SYT10: variants seen among roughly 807,000 people sequenced by gnomAD.
The protein encoded by SYT10 is synaptotagmin 10.
In SYT10, 31 loss-of-function variants were observed where a neutral mutation model predicts 51.1. The observed-to-expected ratio is 0.61, with a 90% CI of 0.46 to 0.82. The LOEUF is 0.82. Among genes scored for constraint, SYT10 ranks in the 40% least tolerant of loss-of-function variants. The pLI, the probability that SYT10 is intolerant of heterozygous loss-of-function variation, is 0.00. For synonymous variants in SYT10, 233 were observed against 225.9 expected (o/e 1.03, Z -0.28); for missense variants, 603 against 634.0 (o/e 0.95, Z 0.53).
intron 3 of SYT10, among the ~76,000 whole-genome samples, chr12:33,396,077 C>G (rs1156616743): frequency 1.3e-5 from 2 of 151,998 alleles, no homozygotes; most frequent in Non-Finnish European, 2.9e-5. Flanking sequence ...GACTCTTTAC[C>G]AATTCTAAAA....
chr12:33,386,534 T>C (rs763299964), intron 3 of SYT10, among the ~76,000 whole-genome samples: 1 of 152,058 alleles, frequency 6.6e-6, no homozygotes, highest in Admixed American at 6.6e-5. Context: ...TAAATCTTTA[T>C]ATGGCTGACT....
rs1866667520 is a variant in SYT10 at position 33,439,555 on chromosome 12, C to T, written c.-33G>A. ...CTTTTCTTTCGTTTTCTCTTTTTTT[C>T]CCAGTTAGCCGTCTTTTCCTCTTCC... On this transcript the variant is annotated 5_prime_UTR_variant, in exon 1 of 7. Transcript: ENST00000228567. The T allele has an allele frequency of 1.2e-6, 2 of 1,606,738 alleles. No homozygotes were observed. The highest frequency in any genetic ancestry group is 8.5e-7 in the Non-Finnish European group (1 of 1,175,650).
At chr12:33,432,711 A>G (rs2138439602) in intron 1 of SYT10, 1 of 152,222 alleles carries the variant, frequency 6.6e-6, no homozygotes, top group Admixed American at 6.5e-5. Flanking sequence ...TTAAGACAAT[A>G]TTGTGGTATG....
rs1866484932 is a variant in SYT10, at chr12:33,419,733, T to C, written c.509+6405A>G. 3.3e-5 allele frequency among the ~76,000 whole-genome samples: 5 copies of C among 152,292 alleles called. No individual in the cohort carries two copies. The South Asian group carries it at 1.0e-3, about 32-fold the overall frequency. On this transcript the variant is annotated intron_variant, in intron 2 of 6. Coordinates refer to ENST00000228567, the MANE Select transcript of SYT10 (RefSeq NM_198992.4). ...AGATGATAAGCAATTGCTTTTGATC[T>C]AGCATATATTTAAATGAATGTATAT...
intron 2 of SYT10, among the ~76,000 whole-genome samples, chr12:33,416,556 G>A (rs1050754727): frequency 8.5e-5 from 13 of 152,074 alleles, no homozygotes; most frequent in African/African-American, 2.7e-4. Context: ...GTTTCTGCTC[G>A]AATTCCGACA....
Position 33,439,586 on chromosome 12 carries a change from C to G in SYT10, c.-64G>C, listed in dbSNP as rs1866667859. ...TAGCCGTCTTTTCCTCTTCCCGTAC[C>G]TCTAACCCCTCTGGCGCCCTAAGCC... On this transcript the variant is annotated 5_prime_UTR_variant, in exon 1 of 7. Coordinates refer to ENST00000228567, the MANE Select transcript of SYT10 (RefSeq NM_198992.4). The G allele has an allele frequency of 4.5e-6, 7 of 1,562,968 alleles. No individual in the cohort carries two copies. In the South Asian group the frequency reaches 7.1e-5, roughly 16 times the overall value.
chr12:33,410,144 T>C (rs1213944443), intron 2 of SYT10, among the ~76,000 whole-genome samples: 1 of 152,232 alleles, frequency 6.6e-6, no homozygotes, highest in Non-Finnish European at 1.5e-5. Context: ...AAGTGTTCTC[T>C]AACCTTAAGT....
In SYT10 at chr12:33,376,758, C is replaced by T. The variant is rs562181532; in HGVS notation, c.*72G>A. 4 of 1,559,762 alleles carry T rather than the reference C, an allele frequency of 2.6e-6. No homozygotes were observed. In the East Asian group the frequency reaches 6.7e-5, roughly 26 times the overall value. The stretch of plus-strand genomic sequence containing the variant: ...TATATTTCAAATGAGGAAACCAAAC[C>T]TTCCACTTTTTTTCTGATTCAATGA... On this transcript the variant is annotated 3_prime_UTR_variant, in exon 7 of 7. Transcript: ENST00000228567.
intron 2 of SYT10, among the ~76,000 whole-genome samples, chr12:33,415,536 T>C (rs919450280): frequency 6.6e-6 from 1 of 152,212 alleles, no homozygotes; most frequent in Non-Finnish European, 1.5e-5. Context: ...ACCTTAGATA[T>C]TGCTTAAGAA....
intron 1 of SYT10, among the ~76,000 whole-genome samples, chr12:33,436,140 T>C (rs1469717547): frequency 6.6e-6 from 1 of 152,120 alleles, no homozygotes; most frequent in Non-Finnish European, 1.5e-5. Context: ...TTCCTTGAAA[T>C]TGATGAGCAT....
intron 6 of SYT10, among the ~76,000 whole-genome samples, chr12:33,378,814 C>CTGTGTG (rs56373564): frequency 1.0e-3 from 146 of 145,284 alleles, no homozygotes; most frequent in East Asian, 8.0e-3. Context: ...GACTGGGTAT[C>CTGTGTG]TGTGTGTGTG....
chr12:33,428,127 G>A (rs1866567548), intron 1 of SYT10, among the ~76,000 whole-genome samples: 1 of 152,198 alleles, frequency 6.6e-6, no homozygotes, highest in South Asian at 2.1e-4. Context: ...GAACATCAAA[G>A]CTCTAGTGAA....
chr12:33,439,301 C>T, intron 1 of SYT10, 71 bp downstream of exon 1: 3 of 1,543,244 alleles, frequency 1.9e-6, no homozygotes, highest in Non-Finnish European at 2.6e-6. Context: ...GGCGCAGAAC[C>T]CCGGAGCTTG....
chr12:33,410,994 C>A (rs1229126386), intron 2 of SYT10, among the ~76,000 whole-genome samples: 1 of 152,076 alleles, frequency 6.6e-6, no homozygotes, highest in Non-Finnish European at 1.5e-5. Flanking sequence ...CCTCATGTAA[C>A]CCAATCAGGT....
intron 3 of SYT10, among the ~76,000 whole-genome samples, chr12:33,386,770 CT>C (rs1193937546): frequency 1.8e-4 from 28 of 152,164 alleles, no homozygotes; most frequent in African/African-American, 5.8e-4. Flanking sequence ...GGCTGTCTTA[CT>C]TTCTACAACG....
Position 33,376,670 on chromosome 12 carries a change from G to A in SYT10, c.*160C>T, listed in dbSNP as rs1866064939. ...CAAGTAAAATGTATTGATGTTCAAA[G>A]TTAAAAAATCAACAATAAAAGCAAA... On this transcript the variant is annotated 3_prime_UTR_variant, in exon 7 of 7. Transcript: ENST00000228567. 5 of 771,968 alleles carry A rather than the reference G, an allele frequency of 6.5e-6. No homozygotes were observed. Among genetic ancestry groups the A allele is most frequent in the Non-Finnish European group, 1.0e-5 (5 of 489,508 alleles). The allele number at this position is 771,968 out of a possible 1,614,324, so 47.8% of individuals were successfully genotyped here.
chr12:33,404,185 T>A (rs1866331629), intron 3 of SYT10, among the ~76,000 whole-genome samples: 1 of 152,054 alleles, frequency 6.6e-6, no homozygotes, highest in African/African-American at 2.4e-5. Context: ...GCTTTGTGGA[T>A]GTGATTAAGA....
intron 3 of SYT10, chr12:33,404,986 A>G (rs1196694715): frequency 2.0e-5 from 3 of 152,060 alleles, no homozygotes; most frequent in African/African-American, 7.2e-5. Flanking sequence ...CTTTTTTCTA[A>G]GTAGAACCAG....
Position 33,376,525 on chromosome 12 carries a change from G to C in SYT10, c.*305C>G, listed in dbSNP as rs1397873691. The C allele has an allele frequency of 1.7e-5, 6 of 355,164 alleles. No individual in the cohort carries two copies. The East Asian group carries it at 3.1e-4, about 18-fold the overall frequency. 22.0% of individuals were successfully genotyped at this position (355,164 alleles called of 1,614,324 possible). On this transcript the variant is annotated 3_prime_UTR_variant, in exon 7 of 7. Coordinates refer to ENST00000228567, the MANE Select transcript of SYT10 (RefSeq NM_198992.4). ...ACTATATTTAATTTTAGGTAAGTAT[G>C]AACTGTTTAAAAAAACATTTCATAT...
Sources: allele counts gnomAD v4.1 joint callset (sites outside exome capture counted in the v4.1 genomes callset), GRCh38; gene constraint gnomAD v4.1.1; transcripts MANE v1.5; gene names NCBI Gene and HGNC (gene_info 2026-07-23, HGNC 2026-07-21).